PRKG1: variants seen among roughly 807,000 people sequenced by gnomAD.
PRKG1 encodes the protein cGMP-dependent protein kinase 1.
In PRKG1, 35 loss-of-function variants were observed where a neutral mutation model predicts 88.1. That is an observed-to-expected ratio of 0.40 (90% CI 0.30 to 0.53). The LOEUF (loss-of-function observed/expected upper bound fraction) is 0.53, where lower values mean the gene tolerates loss of function less well. Ranked by LOEUF, PRKG1 falls within the 20% of genes least tolerant of loss-of-function variation. The pLI is 0.59. For synonymous variants in PRKG1, 303 were observed against 292.5 expected (o/e 1.04, Z -0.37); for missense variants, 540 against 839.8 (o/e 0.64, Z 4.41).
At chr10:51,009,642 G>A (rs1170180200) in intron 1 of PRKG1, among the ~76,000 whole-genome samples, 1 of 152,116 alleles carries the variant, frequency 6.6e-6, no homozygotes, top group Non-Finnish European at 1.5e-5. Flanking sequence ...TTATACAATG[G>A]ACATTCCAGT....
At chr10:51,230,239 A>G (rs1434273152) in intron 2 of PRKG1, among the ~76,000 whole-genome samples, 1 of 152,314 alleles carries the variant, frequency 6.6e-6, no homozygotes, top group African/African-American at 2.4e-5. Flanking sequence ...TCAAGATACC[A>G]TGTGAAATAA....
intron 3 of PRKG1, among the ~76,000 whole-genome samples, chr10:51,559,557 A>G (rs1837403403): frequency 6.6e-6 from 1 of 152,110 alleles, no homozygotes; most frequent in African/African-American, 2.4e-5. Context: ...GTTAGCTCAT[A>G]TATTGCCTTC....
chr10:52,173,325 AC>A (rs1838763323), intron 9 of PRKG1, among the ~76,000 whole-genome samples: 1 of 152,208 alleles, frequency 6.6e-6, no homozygotes, highest in Admixed American at 6.5e-5. Flanking sequence ...TTATCATTAT[AC>A]AATTTTCTTT....
chr10:51,562,185 C>T (rs146144161), intron 3 of PRKG1, among the ~76,000 whole-genome samples: 10,433 of 150,540 alleles, frequency 0.069, 1,169 homozygotes, highest in African/African-American at 0.24. Context: ...GATCACGCCA[C>T]TGCACTACAG....
intron 1 of PRKG1, among the ~76,000 whole-genome samples, chr10:51,058,982 C>T (rs1011514982): frequency 1.3e-5 from 2 of 152,162 alleles, no homozygotes; most frequent in African/African-American, 4.8e-5. Flanking sequence ...TTTCGGAGCT[C>T]TCCATTGTAA....
chr10:51,540,270 A>G (rs1321380243), intron 3 of PRKG1, among the ~76,000 whole-genome samples: 1 of 152,148 alleles, frequency 6.6e-6, no homozygotes, highest in African/African-American at 2.4e-5. Flanking sequence ...AAAATATGTA[A>G]CCTCTGAGCA....
chr10:51,050,947 T>C (rs1026260332), intron 1 of PRKG1, among the ~76,000 whole-genome samples: 3 of 152,178 alleles, frequency 2.0e-5, no homozygotes, highest in African/African-American at 7.2e-5. Context: ...TTGTGTGTCT[T>C]TTTTTGAAGA....
chr10:51,529,649 G>A (rs911973872), intron 3 of PRKG1, among the ~76,000 whole-genome samples: 5 of 151,878 alleles, frequency 3.3e-5, no homozygotes, highest in Admixed American at 2.0e-4. Context: ...TTTCTTTCCT[G>A]ACCCCCCTCA....
At chr10:51,597,479 T>C (rs1278983497) in intron 3 of PRKG1, among the ~76,000 whole-genome samples, 1 of 152,226 alleles carries the variant, frequency 6.6e-6, no homozygotes, top group Admixed American at 6.5e-5. Flanking sequence ...ACAGATGGAA[T>C]ATTTAGAGTA....
rs144016671 is a variant in PRKG1, at chr10:52,137,830, T to G, written c.1001+3925T>G. On this transcript the variant is annotated intron_variant, in intron 8 of 17. Coordinates refer to ENST00000373980, the MANE Select transcript of PRKG1 (RefSeq NM_006258.4). ...GAATGCATGAATATGGAAGGCTGAC[T>G]GTATACTTTTGTATTCTGTAATCTG... 3.3e-3 allele frequency among the ~76,000 whole-genome samples: 496 copies of G among 152,246 alleles called. 2 individuals are homozygous for G. The highest frequency in any genetic ancestry group is 0.011 in the African/African-American group (467 of 41,560).
rs1388747722 is a variant in PRKG1, at chr10:52,057,267, A to G, written c.840+2706A>G. On this transcript the variant is annotated intron_variant, in intron 6 of 17. Transcript: ENST00000373980. ...ACATTCACACAAAGAGAGAAGCATT[A>G]TAAAATAAGCTTTGCCGTACTTGTT... 2.6e-5 allele frequency among the ~76,000 whole-genome samples: 4 copies of G among 152,222 alleles called. No homozygotes were observed. The East Asian group carries it at 5.8e-4, about 22-fold the overall frequency.
At chr10:51,468,036 T>TA (rs1839954116) in intron 3 of PRKG1, 200 bp downstream of exon 3, 5 of 490,638 alleles carry the variant, frequency 1.0e-5, no homozygotes, top group South Asian at 7.5e-5. Flanking sequence ...TTACATTTTC[T>TA]TGCTGACTTC....
At chr10:51,577,511 G>A (rs1837918078) in intron 3 of PRKG1, among the ~76,000 whole-genome samples, 1 of 151,930 alleles carries the variant, frequency 6.6e-6, no homozygotes, top group Admixed American at 6.6e-5. Context: ...AATGCTGACT[G>A]GTGAAAAGAA....
chr10:51,275,887 T>G (rs1840102878), intron 2 of PRKG1, among the ~76,000 whole-genome samples: 1 of 151,784 alleles, frequency 6.6e-6, no homozygotes, highest in African/African-American at 2.4e-5. Context: ...AAAGAATATT[T>G]TAATCAGAGG....
At chr10:51,820,988 G>C (rs1839729860) in intron 4 of PRKG1, among the ~76,000 whole-genome samples, 1 of 152,056 alleles carries the variant, frequency 6.6e-6, no homozygotes, top group African/African-American at 2.4e-5. Flanking sequence ...TCTTTGGAAG[G>C]CCCTCCCAAA....
At chr10:51,891,660 G>T (rs139584982) in intron 4 of PRKG1, among the ~76,000 whole-genome samples, 1 of 152,242 alleles carries the variant, frequency 6.6e-6, no homozygotes, top group South Asian at 2.1e-4. Context: ...AAACTTTCCC[G>T]TAAAAGACCA....
intron 1 of PRKG1, among the ~76,000 whole-genome samples, chr10:51,101,653 T>A (rs576356009): frequency 5.3e-5 from 8 of 152,172 alleles, no homozygotes; most frequent in Non-Finnish European, 8.8e-5. Context: ...GAGTATTTTT[T>A]ATAAAAATGC....
chr10:51,104,698 TTTTATTTA>T lies in PRKG1; in HGVS notation c.311+29837_311+29844del, dbSNP rs35238475. Among the ~76,000 whole-genome samples, 1,341 of 136,170 alleles carry T rather than the reference TTTTATTTA, an allele frequency of 9.8e-3. 7 individuals are homozygous for T. The highest frequency in any genetic ancestry group is 0.01 in the African/African-American group (381 of 36,446). The allele number at this position is 136,170 out of a possible 152,430, so 89.3% of individuals were successfully genotyped here. ...CACACCTGGCTAATTTTTATTTTTA[TTTTATTTA>T]TTTATTTATTTATTTATTTATTTAT... On this transcript the variant is annotated intron_variant, in intron 1 of 17. Coordinates refer to ENST00000373980, the MANE Select transcript of PRKG1 (RefSeq NM_006258.4).
At chr10:51,075,478 G>T (rs574885324) in intron 1 of PRKG1, among the ~76,000 whole-genome samples, 1 of 152,332 alleles carries the variant, frequency 6.6e-6, no homozygotes, top group East Asian at 1.9e-4. Flanking sequence ...TTGATTTCCT[G>T]AATTGGATGA....
Sources: allele counts gnomAD v4.1 joint callset (sites outside exome capture counted in the v4.1 genomes callset), GRCh38; gene constraint gnomAD v4.1.1; transcripts MANE v1.5; gene names NCBI Gene and HGNC (gene_info 2026-07-23, HGNC 2026-07-21).